Variants in STX8 observed in about 807,000 individuals in gnomAD.
STX8 encodes the protein syntaxin 8.
In STX8, 23 loss-of-function variants were observed where a neutral mutation model predicts 37.5. The ratio of observed to expected loss-of-function variants is 0.61; its 90% CI spans 0.44 to 0.87. The LOEUF (loss-of-function observed/expected upper bound fraction) is 0.87, where lower values mean the gene tolerates loss of function less well. STX8 is among the 40% of genes least tolerant of loss of function. STX8 has a pLI of 0.00. For missense variants in STX8, 313 were observed against 284.7 expected (o/e 1.10, Z -0.71); for synonymous variants, 115 against 99.1 (o/e 1.16, Z -0.95).
chr17:9,516,150 T>C (rs1015085777), intron 4 of STX8, among the ~76,000 whole-genome samples: 1 of 151,626 alleles, frequency 6.6e-6, no homozygotes, highest in African/African-American at 2.4e-5. Context: ...CCCTGAGGTG[T>C]TATTGCTCCT....
chr17:9,529,301 G>A (rs1280742081), intron 4 of STX8, among the ~76,000 whole-genome samples: 1 of 152,076 alleles, frequency 6.6e-6, no homozygotes, highest in Non-Finnish European at 1.5e-5. Flanking sequence ...GCATGTGTGT[G>A]TATCTGTATG....
At chr17:9,490,571 T>A (rs1048021196) in intron 6 of STX8, among the ~76,000 whole-genome samples, 2 of 151,930 alleles carry the variant, frequency 1.3e-5, no homozygotes, top group South Asian at 4.2e-4. Flanking sequence ...TGAGGTCTCA[T>A]CATGTTGGCC....
chr17:9,309,472 G>A (rs552427207), intron 7 of STX8, among the ~76,000 whole-genome samples: 4 of 152,160 alleles, frequency 2.6e-5, no homozygotes, highest in East Asian at 3.9e-4. Flanking sequence ...GGTAAATTAC[G>A]GAGATAAGTA....
chr17:9,413,870 GCATCTATCGATC>G (rs972740657), intron 6 of STX8, among the ~76,000 whole-genome samples: 6 of 130,392 alleles, frequency 4.6e-5, no homozygotes, highest in Non-Finnish European at 6.6e-5. Context: ...AAGTATGTAT[GCATCTATCGATC>G]CATCCATCGA....
chr17:9,476,483 C>T (rs908303391), intron 6 of STX8, among the ~76,000 whole-genome samples: 1 of 149,820 alleles, frequency 6.7e-6, no homozygotes, highest in African/African-American at 2.5e-5. Flanking sequence ...GATAGAGTCT[C>T]GTTCTGTCAC....
At chr17:9,365,517 G>C (rs889297411) in intron 7 of STX8, among the ~76,000 whole-genome samples, 1 of 152,260 alleles carries the variant, frequency 6.6e-6, no homozygotes, top group African/African-American at 2.4e-5. Flanking sequence ...CTAGCTAGCT[G>C]GTAGCTAATG....
intron 4 of STX8, among the ~76,000 whole-genome samples, chr17:9,534,505 ACTCGGC>A (rs1284189147): frequency 6.6e-6 from 1 of 151,888 alleles, no homozygotes; most frequent in Non-Finnish European, 1.5e-5. Context: ...AATAAGCAAA[ACTCGGC>A]CAGGCGTGGT....
intron 6 of STX8, among the ~76,000 whole-genome samples, chr17:9,386,499 G>T (rs993361378): frequency 6.6e-6 from 1 of 152,084 alleles, no homozygotes; most frequent in African/African-American, 2.4e-5. Context: ...ACGCAAATGG[G>T]TACAGCTGTC....
chr17:9,518,303 C>G (rs1905215778), intron 4 of STX8, among the ~76,000 whole-genome samples: 1 of 142,036 alleles, frequency 7.0e-6, no homozygotes, highest in African/African-American at 3.1e-5. Context: ...TCTTACCAGA[C>G]CCCTCCTCCA....
chr17:9,412,106 A>AT (rs1235731500), intron 6 of STX8, among the ~76,000 whole-genome samples: 6 of 152,212 alleles, frequency 3.9e-5, no homozygotes, highest in South Asian at 2.1e-4. Context: ...TTGACGGAGG[A>AT]TTAAAAAATA....
intron 2 of STX8, among the ~76,000 whole-genome samples, chr17:9,558,474 G>T (rs1039369161): frequency 6.6e-6 from 1 of 152,112 alleles, no homozygotes; most frequent in Non-Finnish European, 1.5e-5. Context: ...ATACCCCTGG[G>T]AACCAAGGAA....
chr17:9,357,727 T>C (rs1910935280), intron 7 of STX8, among the ~76,000 whole-genome samples: 1 of 151,946 alleles, frequency 6.6e-6, no homozygotes, highest in African/African-American at 2.4e-5. Context: ...TATAAAAAAT[T>C]AAAATTTTTA....
intron 2 of STX8, among the ~76,000 whole-genome samples, chr17:9,562,950 G>A (rs1359360837): frequency 1.3e-5 from 2 of 152,044 alleles, no homozygotes; most frequent in African/African-American, 4.8e-5. Flanking sequence ...TTACTGCGGT[G>A]TTATTCACAA....
At chr17:9,564,003 C>T (rs544505634) in intron 2 of STX8, among the ~76,000 whole-genome samples, 32 of 152,294 alleles carry the variant, frequency 2.1e-4, no homozygotes, top group African/African-American at 6.7e-4. Flanking sequence ...ATGATTATCT[C>T]AATAGAAGCA....
At chr17:9,558,315 TTA>T (rs1333126657) in intron 2 of STX8, among the ~76,000 whole-genome samples, 16 of 152,182 alleles carry the variant, frequency 1.1e-4, no homozygotes, top group African/African-American at 3.9e-4. Flanking sequence ...AAAGCAGCAA[TTA>T]TATAACTCAA....
intron 7 of STX8, chr17:9,283,348 C>T (rs1907958249): frequency 1.3e-5 from 2 of 152,118 alleles, no homozygotes; most frequent in African/African-American, 4.8e-5. Context: ...CGAGACCAGC[C>T]TGGTCAACAT....
intron 7 of STX8, among the ~76,000 whole-genome samples, chr17:9,307,793 G>A (rs142004742): frequency 6.6e-6 from 1 of 152,080 alleles, no homozygotes; most frequent in Non-Finnish European, 1.5e-5. Flanking sequence ...CCTGTTTCCT[G>A]CCCCTCTTTG....
chr17:9,326,588 T>A (rs1434925584), intron 7 of STX8, among the ~76,000 whole-genome samples: 1 of 152,220 alleles, frequency 6.6e-6, no homozygotes, highest in Non-Finnish European at 1.5e-5. Flanking sequence ...CTGGTGGAGT[T>A]ACGACCCTGA....
chr17:9,282,618 C>T (rs570638136), intron 7 of STX8, among the ~76,000 whole-genome samples: 1 of 152,276 alleles, frequency 6.6e-6, no homozygotes, highest in East Asian at 1.9e-4. Context: ...CTCCAGGTGT[C>T]CGTTTTCTTC....
Sources: allele counts gnomAD v4.1 joint callset (sites outside exome capture counted in the v4.1 genomes callset), GRCh38; gene constraint gnomAD v4.1.1; transcripts MANE v1.5; gene names NCBI Gene and HGNC (gene_info 2026-07-23, HGNC 2026-07-21).